Variants in TLL1 observed in about 807,000 individuals in gnomAD.
TLL1 encodes the protein tolloid-like protein 1.
Under a neutral mutation model 128.2 loss-of-function variants are expected in TLL1, and 49 were observed. The observed-to-expected ratio is 0.38, with a 90% CI of 0.30 to 0.48. The LOEUF is 0.48. Among genes scored for constraint, TLL1 ranks in the 20% least tolerant of loss-of-function variants. The pLI, the probability that TLL1 is intolerant of heterozygous loss-of-function variation, is 0.96. For synonymous variants in TLL1, 454 were observed against 418.8 expected (o/e 1.08, Z -1.03); for missense variants, 1,123 against 1,242.0 (o/e 0.90, Z 1.44).
chr4:166,043,183 G>T, intron 11 of TLL1, 91 bp from the exon 12 acceptor site: 1 of 1,555,608 alleles, frequency 6.4e-7, no homozygotes. Flanking sequence ...CTGAGCTACA[G>T]GAGCTGAACT....
intron 9 of TLL1, among the ~76,000 whole-genome samples, chr4:166,028,959 A>T (rs1738629713): frequency 6.6e-6 from 1 of 151,692 alleles, no homozygotes; most frequent in Non-Finnish European, 1.5e-5. Flanking sequence ...AATTCTATTT[A>T]TTGTGACTAT....
chr4:165,903,765 A>AC (rs10679067), intron 1 of TLL1, among the ~76,000 whole-genome samples: 4 of 150,992 alleles, frequency 2.6e-5, no homozygotes, highest in Non-Finnish European at 4.4e-5. Flanking sequence ...ACACACACAC[A>AC]AATAATAATA....
At chr4:166,057,160 C>T in intron 13 of TLL1, 24 bp from the exon 14 acceptor site, 1 of 1,612,980 alleles carries the variant, frequency 6.2e-7, no homozygotes, top group Non-Finnish European at 8.5e-7. Flanking sequence ...TATAGTTGTT[C>T]TATAACTATG....
rs1739139461 is a variant in TLL1, at chr4:166,039,332, T to C, written c.1159-7T>C. On this transcript the variant is annotated splice_polypyrimidine_tract_variant and splice_region_variant and intron_variant, in intron 9 of 20. Coordinates refer to ENST00000061240, the MANE Select transcript of TLL1 (RefSeq NM_012464.5). ...TACTCTGTGGGTTGCTTACCTCCATTTTGCAGATTGTTTTAAATTTTACAA... is the reference window on the plus strand; with the variant it reads ...TACTCTGTGGGTTGCTTACCTCCATCTTGCAGATTGTTTTAAATTTTACAA... 6.2e-7 allele frequency: 1 copy of C among 1,605,740 alleles called. No individual in the cohort carries two copies. The highest frequency in any genetic ancestry group is 8.5e-7 in the Non-Finnish European group (1 of 1,172,910).
At chr4:166,045,800 G>A (rs922174537) in intron 12 of TLL1, among the ~76,000 whole-genome samples, 1 of 152,066 alleles carries the variant, frequency 6.6e-6, no homozygotes. Context: ...TACCACTGAT[G>A]TTCCGCTGCC....
At chr4:165,969,747 G>T (rs932910515) in intron 1 of TLL1, among the ~76,000 whole-genome samples, 3 of 152,090 alleles carry the variant, frequency 2.0e-5, no homozygotes, top group Non-Finnish European at 4.4e-5. Context: ...TAGAGCACAA[G>T]ATTGGAGTTA....
intron 15 of TLL1, among the ~76,000 whole-genome samples, chr4:166,063,734 C>T (rs568177047): frequency 3.5e-4 from 53 of 152,110 alleles, no homozygotes; most frequent in Admixed American, 1.7e-3. Context: ...AGCAAACTAT[C>T]GCAAGGACAG....
chr4:165,998,415 A>T (rs4691230), intron 5 of TLL1, among the ~76,000 whole-genome samples: 1 of 151,918 alleles, frequency 6.6e-6, no homozygotes, highest in Non-Finnish European at 1.5e-5. Flanking sequence ...CAAAAAAATT[A>T]CAGTTAACCT....
At chr4:165,907,861 T>C (rs1408310236) in intron 1 of TLL1, among the ~76,000 whole-genome samples, 1 of 152,164 alleles carries the variant, frequency 6.6e-6, no homozygotes, top group Non-Finnish European at 1.5e-5. Context: ...TAAGACACTT[T>C]TATAAACTTC....
intron 1 of TLL1, among the ~76,000 whole-genome samples, chr4:165,895,733 AG>A (rs1436047666): frequency 6.0e-5 from 9 of 151,248 alleles, no homozygotes; most frequent in African/African-American, 2.0e-4. Context: ...TCATAAAAGA[AG>A]AAAAAGGTGG....
At chr4:165,968,302 C>T (rs960885440) in intron 1 of TLL1, among the ~76,000 whole-genome samples, 3 of 152,186 alleles carry the variant, frequency 2.0e-5, no homozygotes, top group Admixed American at 2.0e-4. Flanking sequence ...CATTAGTAGC[C>T]ATCATATGAT....
At chr4:166,068,535 C>T (rs1740674680) in intron 16 of TLL1, among the ~76,000 whole-genome samples, 1 of 151,704 alleles carries the variant, frequency 6.6e-6, no homozygotes, top group Non-Finnish European at 1.5e-5. Context: ...AATGCTAAAA[C>T]TCACTATGGG....
chr4:166,039,277 CA>C (rs1446717367), intron 9 of TLL1, 61 bp from the exon 10 acceptor site: 41 of 1,191,082 alleles, frequency 3.4e-5, no homozygotes, highest in Non-Finnish European at 4.7e-5. Context: ...CTTTAGGAAT[CA>C]AATCACTATA....
intron 3 of TLL1, among the ~76,000 whole-genome samples, chr4:165,993,959 T>G (rs910719132): frequency 6.6e-6 from 1 of 152,144 alleles, no homozygotes; most frequent in East Asian, 1.9e-4. Flanking sequence ...CAGTTCAGAT[T>G]TGAAGGATTA....
intron 1 of TLL1, among the ~76,000 whole-genome samples, chr4:165,988,221 GA>G (rs1736473945): frequency 6.6e-6 from 1 of 152,062 alleles, no homozygotes; most frequent in Non-Finnish European, 1.5e-5. Flanking sequence ...CTTTAAAAGA[GA>G]AATTCACATA....
At chr4:166,047,153 T>A (rs1000463769) in intron 12 of TLL1, among the ~76,000 whole-genome samples, 4 of 151,996 alleles carry the variant, frequency 2.6e-5, no homozygotes, top group African/African-American at 9.7e-5. Context: ...AAACTGTTTA[T>A]ATTTTTGTTT....
rs1503290 is a variant in TLL1, at chr4:165,928,044, G to A, written c.169+53971G>A. On this transcript the variant is annotated intron_variant, in intron 1 of 20. Coordinates refer to ENST00000061240, the MANE Select transcript of TLL1 (RefSeq NM_012464.5). ...GCTTTTCAGAGTGATTTCTCAGGGT[G>A]TGGTTTTGTACAGAGTGGAAAGGGA... 1.6e-3 allele frequency among the ~76,000 whole-genome samples: 248 copies of A among 152,266 alleles called. 4 individuals are homozygous for A. Among genetic ancestry groups the A allele is most frequent in the Admixed American group, 0.013 (200 of 15,290 alleles).
intron 5 of TLL1, among the ~76,000 whole-genome samples, chr4:165,999,368 A>G (rs909613756): frequency 7.9e-5 from 12 of 152,198 alleles, no homozygotes; most frequent in African/African-American, 2.7e-4. Context: ...GAAACTTACA[A>G]TCATGGTAGA....
At chr4:165,994,277 C>T in intron 3 of TLL1, 104 bp from the exon 4 acceptor site, 17 of 1,402,768 alleles carry the variant, frequency 1.2e-5, no homozygotes, top group South Asian at 3.7e-5. Flanking sequence ...GGCATTTATA[C>T]AAAAAATATG....
Sources: gnomAD v4.1 joint callset for allele counts (sites outside exome capture counted in the v4.1 genomes callset) on GRCh38, gnomAD v4.1.1 for gene constraint, MANE v1.5 for transcripts, NCBI Gene and HGNC (gene_info 2026-07-23, HGNC 2026-07-21) for gene names.